Variants in TMEM132B observed in about 807,000 individuals in gnomAD.
TMEM132B encodes the protein transmembrane protein 132B.
Under a neutral mutation model 90.8 loss-of-function variants are expected in TMEM132B, and 18 were observed. That is an observed-to-expected ratio of 0.20 (90% CI 0.14 to 0.29). TMEM132B has a LOEUF of 0.29. TMEM132B is among the 10% of genes least tolerant of loss of function. The pLI is 1.00. For missense variants in TMEM132B, 1,096 were observed against 1,326.8 expected (o/e 0.83, Z 2.70); for synonymous variants, 504 against 523.3 (o/e 0.96, Z 0.50).
chr12:125,321,223 C>T (rs1876417992), intron 1 of TMEM132B, among the ~76,000 whole-genome samples: 1 of 152,198 alleles, frequency 6.6e-6, no homozygotes, highest in Non-Finnish European at 1.5e-5. Flanking sequence ...TGTTATGTGA[C>T]ATCTCTCAAT....
At chr12:125,291,210 G>A (rs1030365023) in intron 1 of TMEM132B, among the ~76,000 whole-genome samples, 5 of 152,202 alleles carry the variant, frequency 3.3e-5, no homozygotes, top group Non-Finnish European at 4.4e-5. Flanking sequence ...GTGGCCATCT[G>A]CAACCCAGAA....
At chr12:125,353,692 C>A (rs1877671622) in intron 2 of TMEM132B, among the ~76,000 whole-genome samples, 1 of 152,192 alleles carries the variant, frequency 6.6e-6, no homozygotes, top group African/African-American at 2.4e-5. Context: ...TTGGTGTGAA[C>A]CCCTGTGATC....
chr12:125,560,682 G>A (rs183343178), intron 4 of TMEM132B, among the ~76,000 whole-genome samples: 17 of 151,814 alleles, frequency 1.1e-4, no homozygotes, highest in Admixed American at 8.5e-4. Flanking sequence ...AAAATTAGCC[G>A]GGCGCGGTGG....
rs115879112 is a variant in TMEM132B, at chr12:125,306,090, G to A, written c.68-43362G>A. ...GCAGGTAAGGTGATAAGCTTAGCTG[G>A]CCAACTGGAAGCTTTGGTTGGCTGC... is the stretch of plus-strand genomic sequence containing the variant. On this transcript the variant is annotated intron_variant, in intron 1 of 8. Coordinates refer to ENST00000682704, the MANE Select transcript of TMEM132B (RefSeq NM_001366854.1). Among the ~76,000 whole-genome samples, 627 of 152,330 alleles carry A rather than the reference G, an allele frequency of 4.1e-3. 3 individuals carry two copies. Among genetic ancestry groups the A allele is most frequent in the African/African-American group, 0.014 (594 of 41,574 alleles).
chr12:125,568,626 G>T (rs1018283778), intron 4 of TMEM132B, among the ~76,000 whole-genome samples: 9 of 152,130 alleles, frequency 5.9e-5, no homozygotes, highest in African/African-American at 2.2e-4. Flanking sequence ...CTCAAGTGTC[G>T]CATACCTTTC....
chr12:125,217,660 C>T (rs752960547), intron 1 of TMEM132B, among the ~76,000 whole-genome samples: 2 of 152,094 alleles, frequency 1.3e-5, no homozygotes, highest in Non-Finnish European at 2.9e-5. Context: ...CACCATGTTG[C>T]CCAGGCCGGT....
At chr12:125,422,478 C>A (rs183776158) in intron 3 of TMEM132B, among the ~76,000 whole-genome samples, 76 of 152,306 alleles carry the variant, frequency 5.0e-4, no homozygotes, top group Middle Eastern at 3.4e-3. Context: ...CACCAGCAGG[C>A]CACCTGGCAT....
intron 1 of TMEM132B, among the ~76,000 whole-genome samples, chr12:125,279,309 T>C (rs546561540): frequency 6.6e-6 from 1 of 152,380 alleles, no homozygotes; most frequent in Non-Finnish European, 1.5e-5. Context: ...TAGAAAGGCC[T>C]GCTTACAGGG....
chr12:125,290,714 A>C (rs1229286452), intron 1 of TMEM132B, among the ~76,000 whole-genome samples: 1 of 152,180 alleles, frequency 6.6e-6, no homozygotes, highest in African/African-American at 2.4e-5. Context: ...GCTGATGGGC[A>C]TTTAGGCTGC....
chr12:125,523,454 G>A (rs528642899), intron 4 of TMEM132B, among the ~76,000 whole-genome samples: 7 of 152,150 alleles, frequency 4.6e-5, no homozygotes, highest in Admixed American at 3.3e-4. Flanking sequence ...CCCTTGTGAT[G>A]ACATGGGGCC....
chr12:125,521,362 C>T (rs1225882730), intron 4 of TMEM132B, among the ~76,000 whole-genome samples: 1 of 152,146 alleles, frequency 6.6e-6, no homozygotes, highest in African/African-American at 2.4e-5. Flanking sequence ...ATGGAAAGAT[C>T]AGTGGCAATT....
Position 125,654,155 on chromosome 12 carries a change from A to C in TMEM132B, c.2697A>C (p.Leu899=). Residue 899 remains leucine, a synonymous_variant, in exon 9 of 9, where the codon CTA becomes CTC. Transcript: ENST00000682704. This position sits in a 1 kb window ranked among gnomAD's most constrained non-coding sequence, Gnocchi z 5.8. ...PSDLTVTSRG[L]TDLEIGMYAL... is the part of the protein sequence containing the mutation. ...ACCTCACAGTGACCTCAAGGGGGCT[A>C]ACGGACTTGGAGATTGGCATGTATG... 1.2e-6 allele frequency: 2 copies of C among 1,614,240 alleles called. No individual in the cohort carries two copies. The highest frequency in any genetic ancestry group is 8.5e-7 in the Non-Finnish European group (1 of 1,180,042).
At chr12:125,513,831 T>A (rs1883041949) in intron 3 of TMEM132B, among the ~76,000 whole-genome samples, 1 of 152,244 alleles carries the variant, frequency 6.6e-6, no homozygotes, top group Non-Finnish European at 1.5e-5. Flanking sequence ...TGAAGAATTT[T>A]GTTTAATTCT....
chr12:125,515,653 C>T (rs543016604), intron 3 of TMEM132B, among the ~76,000 whole-genome samples: 1 of 150,720 alleles, frequency 6.6e-6, no homozygotes, highest in Non-Finnish European at 1.5e-5. Flanking sequence ...CATTCACACC[C>T]CCTTCACACA....
At chr12:125,214,382 C>G (rs1443865621) in intron 1 of TMEM132B, among the ~76,000 whole-genome samples, 1 of 152,200 alleles carries the variant, frequency 6.6e-6, no homozygotes, top group African/African-American at 2.4e-5. Flanking sequence ...ATCCCACCAG[C>G]TGAGCAGCCC....
chr12:125,573,623 C>G (rs1215484480), intron 4 of TMEM132B, among the ~76,000 whole-genome samples: 2 of 152,320 alleles, frequency 1.3e-5, no homozygotes, highest in Middle Eastern at 3.4e-3. Context: ...TGTGCTCACA[C>G]TGCCTGTCTG....
intron 4 of TMEM132B, among the ~76,000 whole-genome samples, chr12:125,523,611 A>G (rs1883367314): frequency 6.6e-6 from 1 of 152,202 alleles, no homozygotes; most frequent in Non-Finnish European, 1.5e-5. Flanking sequence ...TTATTTTCCT[A>G]CCACACTTGC....
At chr12:125,526,933 A>T (rs1229770862) in intron 4 of TMEM132B, among the ~76,000 whole-genome samples, 2 of 149,740 alleles carry the variant, frequency 1.3e-5, no homozygotes, top group African/African-American at 4.9e-5. Flanking sequence ...TTACCCTTCC[A>T]TCCACCCATC....
At chr12:125,332,419 T>G (rs998776794) in intron 1 of TMEM132B, among the ~76,000 whole-genome samples, 2 of 152,028 alleles carry the variant, frequency 1.3e-5, no homozygotes, top group African/African-American at 4.8e-5. Context: ...TCTTTTATTC[T>G]TCATCAATTT....
Sources: gnomAD v4.1 joint callset for allele counts (sites outside exome capture counted in the v4.1 genomes callset) on GRCh38, gnomAD v4.1.1 for gene constraint, Gnocchi (gnomAD v3.1) non-coding constraint, MANE v1.5 for transcripts, NCBI Gene and HGNC (gene_info 2026-07-23, HGNC 2026-07-21) for gene names.